SULT1B1: variants seen among roughly 807,000 people sequenced by gnomAD.
The protein encoded by SULT1B1 is sulfotransferase family 1B member 1.
Under a neutral mutation model 34.6 loss-of-function variants are expected in SULT1B1, and 28 were observed. The observed-to-expected ratio is 0.81, with a 90% CI of 0.60 to 1.11. SULT1B1 has a LOEUF of 1.11. Ranked by LOEUF, SULT1B1 falls within the 50% of genes least tolerant of loss-of-function variation. SULT1B1 has a pLI of 0.00. For missense variants in SULT1B1, 374 were observed against 352.2 expected, an observed-to-expected ratio of 1.06 and a Z score of -0.50; for synonymous variants, 147 against 110.2, an observed-to-expected ratio of 1.33 and a Z score of -2.09.
intron 4 of SULT1B1, among the ~76,000 whole-genome samples, chr4:69,741,018 T>C (rs1718528331): frequency 6.6e-6 from 1 of 152,216 alleles, no homozygotes; most frequent in Non-Finnish European, 1.5e-5. Context: ...TTATAGTTTT[T>C]GGTAATACAT....
chr4:69,746,643 C>A, intron 4 of SULT1B1, among the ~76,000 whole-genome samples: 1 of 152,152 alleles, frequency 6.6e-6, no homozygotes, highest in Middle Eastern at 3.4e-3. Flanking sequence ...CAACCTTTTT[C>A]TATATTTCAT....
At chr4:69,752,425 C>T (rs905258754) in intron 3 of SULT1B1, among the ~76,000 whole-genome samples, 9 of 152,016 alleles carry the variant, frequency 5.9e-5, no homozygotes, top group African/African-American at 2.2e-4. Context: ...AAATTAAGTA[C>T]TCAAGGAAAT....
chr4:69,756,888 C>T (rs1037531340), intron 1 of SULT1B1, among the ~76,000 whole-genome samples: 4 of 152,070 alleles, frequency 2.6e-5, no homozygotes, highest in African/African-American at 4.8e-5. Flanking sequence ...GTCCCATTCA[C>T]ATTAGGGAAG....
At chr4:69,732,283 A>T (rs956779181) in intron 6 of SULT1B1, among the ~76,000 whole-genome samples, 4 of 152,204 alleles carry the variant, frequency 2.6e-5, no homozygotes, top group Non-Finnish European at 5.9e-5. Context: ...TTGGGCAGTG[A>T]ATAAAATCTC....
At chr4:69,747,942 T>A (rs1718821083) in intron 4 of SULT1B1, among the ~76,000 whole-genome samples, 1 of 152,070 alleles carries the variant, frequency 6.6e-6, no homozygotes, top group Non-Finnish European at 1.5e-5. Context: ...ATCCAAAGAT[T>A]TTTTTGGAGT....
chr4:69,728,722 C>T (rs112548161), intron 7 of SULT1B1, among the ~76,000 whole-genome samples: 10 of 152,080 alleles, frequency 6.6e-5, no homozygotes, highest in African/African-American at 2.4e-4. Flanking sequence ...CTTCTGTATG[C>T]ATTATTTATT....
chr4:69,732,621 A>G lies in SULT1B1; in HGVS notation c.597+792T>C, dbSNP rs547493880. ...CTTTTATAAGTAAGGAACTAATTTC[A>G]ACATGTTTACCTGTTGTGTGTATGT... On this transcript the variant is annotated intron_variant, in intron 6 of 7. Transcript: ENST00000310613. Among the ~76,000 whole-genome samples the G allele has an allele frequency of 2.6e-5, 4 of 151,982 alleles. No individual in the cohort carries two copies. In the South Asian group the frequency reaches 8.3e-4, roughly 32 times the overall value.
intron 3 of SULT1B1, among the ~76,000 whole-genome samples, chr4:69,753,652 T>C (rs1005929644): frequency 1.3e-5 from 2 of 152,328 alleles, no homozygotes; most frequent in East Asian, 3.9e-4. Context: ...TCCCCAAGTA[T>C]GTACAACTTT....
chr4:69,733,337 T>C (rs769310351), intron 6 of SULT1B1, 76 bp downstream of exon 6: 5 of 1,057,222 alleles, frequency 4.7e-6, no homozygotes, highest in South Asian at 1.9e-5. Context: ...ATAGACTAAG[T>C]TGGAAAGCAA....
At chr4:69,742,698 C>T (rs1285039598) in intron 4 of SULT1B1, among the ~76,000 whole-genome samples, 1 of 152,204 alleles carries the variant, frequency 6.6e-6, no homozygotes, top group African/African-American at 2.4e-5. Flanking sequence ...TTGCTCCGAT[C>T]ACTCAGCCTT....
intron 6 of SULT1B1, among the ~76,000 whole-genome samples, chr4:69,732,595 GC>G (rs1446369895): frequency 6.6e-6 from 1 of 151,762 alleles, no homozygotes; most frequent in Non-Finnish European, 1.5e-5. Context: ...GTATGTTCAG[GC>G]TTTTATAAGT....
At chr4:69,754,844 G>A (rs553780750) in intron 2 of SULT1B1, 46 bp from the exon 3 acceptor site, 9 of 1,581,362 alleles carry the variant, frequency 5.7e-6, no homozygotes, top group South Asian at 2.3e-5. Flanking sequence ...CAAATTGCAC[G>A]GGAGAGGGAG....
At chr4:69,740,037 G>C (rs1173742470) in intron 4 of SULT1B1, among the ~76,000 whole-genome samples, 1 of 152,154 alleles carries the variant, frequency 6.6e-6, no homozygotes. Flanking sequence ...ACATCTTCCA[G>C]TGTTCTGAGC....
At position 69,722,154 on chromosome 4, in the gene SULT1B1, C is replaced by A. The variant is rs184301584; in HGVS notation, c.*4934G>T. On this transcript the variant is annotated 3_prime_UTR_variant, in exon 8 of 8. Transcript: ENST00000310613. ...TAAAAAGTAAAGGAAAATCTAAATT[C>A]TATTTTTATCTCCACTCTTCACTCA... is the stretch of plus-strand genomic sequence containing the variant. The A allele has an allele frequency of 6.6e-6, 1 of 152,060 alleles. No homozygotes were observed. The highest frequency in any genetic ancestry group is 2.4e-5 in the African/African-American group (1 of 41,422). 9.4% of individuals were successfully genotyped at this position (152,060 alleles called of 1,614,324 possible). A position where few individuals can be genotyped will look rare whatever the true frequency, so the allele number is the denominator to read the frequency against.
chr4:69,732,582 C>T (rs779067091), intron 6 of SULT1B1, among the ~76,000 whole-genome samples: 3 of 151,640 alleles, frequency 2.0e-5, no homozygotes, highest in Non-Finnish European at 2.9e-5. Flanking sequence ...AGTATTCTAA[C>T]TTGTATGTTC....
chr4:69,734,866 T>C (rs1718237738), intron 4 of SULT1B1, among the ~76,000 whole-genome samples: 1 of 147,210 alleles, frequency 6.8e-6, no homozygotes, highest in African/African-American at 2.5e-5. Flanking sequence ...TCGCCCAGGC[T>C]GGAGTGCAGT....
intron 6 of SULT1B1, among the ~76,000 whole-genome samples, chr4:69,731,236 A>G (rs1222925581): frequency 6.6e-6 from 1 of 152,214 alleles, no homozygotes; most frequent in African/African-American, 2.4e-5. Context: ...CTGTTAGATC[A>G]GTGGTGCCAT....
rs942102088 is a variant in SULT1B1, at chr4:69,724,129, T to C, written c.*2959A>G. 3.9e-5 allele frequency: 6 copies of C among 152,138 alleles called. No individual in the cohort carries two copies. Among genetic ancestry groups the C allele is most frequent in the East Asian group, 1.9e-4 (1 of 5,190 alleles). The allele number at this position is 152,138 out of a possible 1,614,324, so 9.4% of individuals were successfully genotyped here. Reference sequence around the variant, plus strand: ...ATGATTGTATATGTAGAAAACCCCATTGTCTCAGCCCAAAATCTCCTTAAG... The same window carrying C: ...ATGATTGTATATGTAGAAAACCCCACTGTCTCAGCCCAAAATCTCCTTAAG... On this transcript the variant is annotated 3_prime_UTR_variant, in exon 8 of 8. Coordinates refer to ENST00000310613, the MANE Select transcript of SULT1B1 (RefSeq NM_014465.4).
intron 7 of SULT1B1, among the ~76,000 whole-genome samples, chr4:69,729,489 A>C (rs1185313719): frequency 6.6e-6 from 1 of 152,086 alleles, no homozygotes; most frequent in African/African-American, 2.4e-5. Flanking sequence ...TCTTTGCTCA[A>C]ACTTATAATG....
Sources: gnomAD v4.1 joint callset for allele counts (sites outside exome capture counted in the v4.1 genomes callset) on GRCh38, gnomAD v4.1.1 for gene constraint, MANE v1.5 for transcripts, NCBI Gene and HGNC (gene_info 2026-07-23, HGNC 2026-07-21) for gene names.